TNFSF4: variants seen among roughly 807,000 people sequenced by gnomAD.
The protein encoded by TNFSF4 is TNF superfamily member 4, also known as tumor necrosis factor ligand superfamily member 4.
In TNFSF4, 4 loss-of-function variants were observed where a neutral mutation model predicts 7.3. The observed-to-expected ratio is 0.55, with a 90% CI of 0.27 to 1.25. The LOEUF is 1.25. TNFSF4 is among the 50% of genes most tolerant of loss of function. The pLI is 0.12. For missense variants in TNFSF4, 181 were observed against 208.8 expected, an observed-to-expected ratio of 0.87 and a Z score of 0.82; for synonymous variants, 76 against 83.7, an observed-to-expected ratio of 0.91 and a Z score of 0.50.
At chr1:173,425,799 A>G in the TNFSF4 span, among the ~76,000 whole-genome samples, 1 of 152,238 alleles carries the variant, frequency 6.6e-6, no homozygotes, top group African/African-American at 2.4e-5. Context: ...TGACCAAACC[A>G]TGGACTGTTC....
chr1:173,217,328 C>G, the TNFSF4 span, among the ~76,000 whole-genome samples: 40 of 152,274 alleles, frequency 2.6e-4, no homozygotes, highest in South Asian at 8.3e-3. Context: ...TTCAGCTCCC[C>G]ACTGTTCTCT....
chr1:173,260,038 G>A, the TNFSF4 span, among the ~76,000 whole-genome samples: 16 of 152,156 alleles, frequency 1.1e-4, no homozygotes, highest in Admixed American at 2.0e-4. Flanking sequence ...ACACATAATC[G>A]TCAGATTCTC....
At chr1:173,376,787 G>C in the TNFSF4 span, among the ~76,000 whole-genome samples, 1 of 152,144 alleles carries the variant, frequency 6.6e-6, no homozygotes, top group African/African-American at 2.4e-5. Flanking sequence ...TGGAAGCTTT[G>C]TTCTTTCGCT....
the TNFSF4 span, among the ~76,000 whole-genome samples, chr1:173,408,148 A>G: frequency 3.3e-5 from 5 of 152,210 alleles, no homozygotes; most frequent in Non-Finnish European, 7.3e-5. Context: ...TAGCAACCCA[A>G]ACAGACTAAG....
At chr1:173,214,952 C>T in the TNFSF4 span, among the ~76,000 whole-genome samples, 1 of 152,184 alleles carries the variant, frequency 6.6e-6, no homozygotes, top group Non-Finnish European at 1.5e-5. Flanking sequence ...CCAGACCACT[C>T]AATTGCTGGT....
the TNFSF4 span, among the ~76,000 whole-genome samples, chr1:173,256,053 T>C: frequency 3.7e-4 from 57 of 152,324 alleles, no homozygotes; most frequent in Non-Finnish European, 6.6e-4. Flanking sequence ...AGGCTGAACT[T>C]CTTGGTTTAA....
At chr1:173,418,019 G>A in the TNFSF4 span, 133,615 of 151,222 alleles carry the variant, frequency 0.88, 59,220 homozygotes, top group South Asian at 0.96. Context: ...GTTAAGAGAA[G>A]AGCCCCTCTT....
the TNFSF4 span, among the ~76,000 whole-genome samples, chr1:173,229,502 T>C: frequency 6.6e-5 from 10 of 152,162 alleles, no homozygotes; most frequent in Non-Finnish European, 1.0e-4. Context: ...AGACCATCGA[T>C]GCTAGGAAGA....
the TNFSF4 span, among the ~76,000 whole-genome samples, chr1:173,419,037 T>C: frequency 6.6e-6 from 1 of 152,156 alleles, no homozygotes; most frequent in Non-Finnish European, 1.5e-5. Context: ...GGTGGCTTTA[T>C]AAGAAGAGTT....
the TNFSF4 span, among the ~76,000 whole-genome samples, chr1:173,410,867 T>C: frequency 1.3e-5 from 2 of 152,214 alleles, no homozygotes; most frequent in African/African-American, 4.8e-5. Context: ...TTTCCAGCAC[T>C]GACCACCATG....
At chr1:173,324,296 T>C in the TNFSF4 span, among the ~76,000 whole-genome samples, 3 of 152,128 alleles carry the variant, frequency 2.0e-5, no homozygotes, top group African/African-American at 4.8e-5. Flanking sequence ...TAAAATACTT[T>C]ACAGACAAGC....
At chr1:173,323,121 CT>C in the TNFSF4 span, among the ~76,000 whole-genome samples, 17 of 152,206 alleles carry the variant, frequency 1.1e-4, no homozygotes, top group African/African-American at 3.9e-4. Context: ...AGTAGCCTAC[CT>C]GGGAGGCACC....
At chr1:173,215,020 G>C in the TNFSF4 span, among the ~76,000 whole-genome samples, 1 of 152,076 alleles carries the variant, frequency 6.6e-6, no homozygotes, top group South Asian at 2.1e-4. Flanking sequence ...ATATGTTGAA[G>C]CCCTACCTCC....
chr1:173,216,339 G>A, the TNFSF4 span, among the ~76,000 whole-genome samples: 1 of 152,030 alleles, frequency 6.6e-6, no homozygotes, highest in African/African-American at 2.4e-5. Context: ...CTTACTCATC[G>A]AACATTTTCT....
chr1:173,436,742 AT>A, the TNFSF4 span, among the ~76,000 whole-genome samples: 1,480 of 151,428 alleles, frequency 9.8e-3, 23 homozygotes, highest in African/African-American at 0.034. Context: ...GGCCTTCAGC[AT>A]TTTTTTTTAA....
the TNFSF4 span, among the ~76,000 whole-genome samples, chr1:173,410,408 T>C: frequency 5.9e-5 from 9 of 152,198 alleles, no homozygotes; most frequent in Non-Finnish European, 1.2e-4. Context: ...ATAAGGTTAC[T>C]GGGGCCCAGG....
At chr1:173,410,127 G>T in the TNFSF4 span, among the ~76,000 whole-genome samples, 4 of 152,056 alleles carry the variant, frequency 2.6e-5, no homozygotes, top group Non-Finnish European at 5.9e-5. Context: ...GAGGCGGGAG[G>T]ATCACCTGAG....
At chr1:173,214,573 G>A in the TNFSF4 span, among the ~76,000 whole-genome samples, 27 of 152,110 alleles carry the variant, frequency 1.8e-4, no homozygotes, top group African/African-American at 6.0e-4. Context: ...ACTAATGATA[G>A]CTAATGAGCT....
chr1:173,343,188 G>T, the TNFSF4 span, among the ~76,000 whole-genome samples: 8 of 152,130 alleles, frequency 5.3e-5, no homozygotes, highest in African/African-American at 1.9e-4. Flanking sequence ...ATCAAAAATA[G>T]GGGAGTAAAT....
Sources: gnomAD v4.1 joint callset for allele counts (sites outside exome capture counted in the v4.1 genomes callset) on GRCh38, gnomAD v4.1.1 for gene constraint, MANE v1.5 for transcripts, NCBI Gene and HGNC (gene_info 2026-07-23, HGNC 2026-07-21) for gene names.